Variants in EHHADH observed in about 807,000 individuals in gnomAD.
EHHADH encodes enoyl-CoA hydratase and 3-hydroxyacyl CoA dehydrogenase.
EHHADH carries 48 observed loss-of-function variants against 64.4 expected under a neutral mutation model. The ratio of observed to expected loss-of-function variants is 0.75; its 90% CI spans 0.59 to 0.95. EHHADH has a LOEUF of 0.95. EHHADH is among the 40% of genes least tolerant of loss of function. EHHADH has a pLI of 0.00. For missense variants in EHHADH, 854 were observed against 876.6 expected, an observed-to-expected ratio of 0.97 and a Z score of 0.33; for synonymous variants, 308 against 326.7, an observed-to-expected ratio of 0.94 and a Z score of 0.62.
chr3:185,248,165 T>TATA, intron 2 of EHHADH: 2 of 433,564 alleles, frequency 4.6e-6, no homozygotes, highest in Non-Finnish European at 8.2e-6. Flanking sequence ...TCAGCAGGTG[T>TATA]ATAACAGCCA....
chr3:185,231,836 T>C (rs937416354), intron 3 of EHHADH, among the ~76,000 whole-genome samples: 1 of 152,222 alleles, frequency 6.6e-6, no homozygotes, highest in African/African-American at 2.4e-5. Flanking sequence ...AGGTTTCTTT[T>C]TGGGGTGATA....
intron 6 of EHHADH, among the ~76,000 whole-genome samples, chr3:185,195,025 C>T (rs1397327275): frequency 7.9e-5 from 12 of 151,896 alleles, no homozygotes; most frequent in Non-Finnish European, 1.8e-4. Flanking sequence ...ACTGGATATC[C>T]ACATGCAAAA....
chr3:185,214,986 C>A (rs1047839192), intron 5 of EHHADH, among the ~76,000 whole-genome samples: 2 of 152,212 alleles, frequency 1.3e-5, no homozygotes, highest in East Asian at 1.9e-4. Flanking sequence ...AAGTGATTGT[C>A]CAGCTGCCTT....
chr3:185,251,943 G>C (rs577334831), intron 1 of EHHADH, among the ~76,000 whole-genome samples: 25 of 152,084 alleles, frequency 1.6e-4, no homozygotes, highest in Non-Finnish European at 3.2e-4. Flanking sequence ...CTGACTAATA[G>C]GAATAACTAA....
chr3:185,222,549 T>G (rs1181652620), intron 4 of EHHADH, among the ~76,000 whole-genome samples: 1 of 152,176 alleles, frequency 6.6e-6, no homozygotes, highest in Non-Finnish European at 1.5e-5. Flanking sequence ...TGTTTTATAT[T>G]TTTGCAAATT....
intron 2 of EHHADH, among the ~76,000 whole-genome samples, chr3:185,239,483 G>A (rs932321475): frequency 5.3e-5 from 8 of 152,092 alleles, no homozygotes; most frequent in African/African-American, 1.9e-4. Context: ...AGTACCCCTT[G>A]TAGAGATCTT....
chr3:185,211,233 C>A (rs1205699302), intron 5 of EHHADH, among the ~76,000 whole-genome samples: 1 of 152,164 alleles, frequency 6.6e-6, no homozygotes, highest in East Asian at 1.9e-4. Context: ...AGTACCTATA[C>A]AATAAGAGAG....
chr3:185,243,465 T>C (rs1719510851), intron 2 of EHHADH, among the ~76,000 whole-genome samples: 1 of 152,206 alleles, frequency 6.6e-6, no homozygotes, highest in Non-Finnish European at 1.5e-5. Flanking sequence ...TTATTTCTTT[T>C]CTTCTGCTAG....
At chr3:185,198,850 CA>C (rs201321307) in intron 6 of EHHADH, among the ~76,000 whole-genome samples, 37 of 133,240 alleles carry the variant, frequency 2.8e-4, no homozygotes, top group East Asian at 4.3e-4. Flanking sequence ...ACCCTGTCTT[CA>C]AAAAAAAAAA....
chr3:185,249,703 T>A (rs1719694626), intron 1 of EHHADH, among the ~76,000 whole-genome samples: 1 of 152,218 alleles, frequency 6.6e-6, no homozygotes, highest in African/African-American at 2.4e-5. Flanking sequence ...GGAACTGTGA[T>A]CAATTAAGCC....
chr3:185,252,180 T>A lies in EHHADH; in HGVS notation c.74+1769A>T, dbSNP rs546444829. Among the ~76,000 whole-genome samples the A allele has an allele frequency of 2.0e-3, 304 of 152,220 alleles. 2 individuals carry two copies. The Middle Eastern group carries it at 0.024, about 12-fold the overall frequency. On this transcript the variant is annotated intron_variant, in intron 1 of 6. Transcript: ENST00000231887. ...ACTTTGGGAGGCCGAGGCAGGTGGATCACGAGGTCAGGAGATTGAGACCAT... is the reference window on the plus strand; with the variant it reads ...ACTTTGGGAGGCCGAGGCAGGTGGAACACGAGGTCAGGAGATTGAGACCAT...
chr3:185,224,514 A>G (rs1022815179), intron 4 of EHHADH, among the ~76,000 whole-genome samples: 1 of 151,594 alleles, frequency 6.6e-6, no homozygotes, highest in African/African-American at 2.4e-5. Flanking sequence ...AAAAAAAAAA[A>G]AAAAAAAAAA....
chr3:185,195,632 T>C (rs370693665), intron 6 of EHHADH, among the ~76,000 whole-genome samples: 5 of 152,138 alleles, frequency 3.3e-5, no homozygotes, highest in African/African-American at 1.2e-4. Context: ...TGCAACAACA[T>C]AGATGCAGCT....
chr3:185,251,669 G>C (rs1238598323), intron 1 of EHHADH, among the ~76,000 whole-genome samples: 1 of 151,688 alleles, frequency 6.6e-6, no homozygotes, highest in Non-Finnish European at 1.5e-5. Context: ...CTCTCAATCA[G>C]CTAGGAGGAG....
At chr3:185,202,624 C>T (rs921414218) in intron 6 of EHHADH, among the ~76,000 whole-genome samples, 10 of 152,254 alleles carry the variant, frequency 6.6e-5, no homozygotes, top group Middle Eastern at 3.4e-3. Context: ...CCTTGACCTC[C>T]GCCTCCTGTC....
At chr3:185,222,716 T>C (rs886476409) in intron 4 of EHHADH, among the ~76,000 whole-genome samples, 1 of 152,140 alleles carries the variant, frequency 6.6e-6, no homozygotes, top group Non-Finnish European at 1.5e-5. Context: ...ATTACGAAAA[T>C]AGATCTGATC....
rs1213318583 is a variant in EHHADH, at chr3:185,250,277, T to C, written c.75-1760A>G. On this transcript the variant is annotated intron_variant, in intron 1 of 6. Transcript: ENST00000231887. ...ATGAGGAAGTCATCTGCAGAAGAGA[T>C]AGCTAAAACCAAGACTGAATGAGTC... is the stretch of plus-strand genomic sequence containing the variant. Among the ~76,000 whole-genome samples the C allele has an allele frequency of 2.0e-5, 3 of 152,198 alleles. No homozygotes were observed. The East Asian group carries it at 5.8e-4, about 29-fold the overall frequency.
chr3:185,217,500 C>T (rs368521066), intron 5 of EHHADH, among the ~76,000 whole-genome samples: 24 of 146,054 alleles, frequency 1.6e-4, no homozygotes, highest in African/African-American at 4.3e-4. Context: ...GAGCCAAGAT[C>T]GCGCCACTGC....
Position 185,193,392 on chromosome 3 carries a change from C to T in EHHADH, c.1006G>A (p.Ala336Thr), listed in dbSNP as rs146431168. The change falls in exon 7 of 7, where the codon GCA becomes ACA. Residue 336 changes from alanine to threonine, a missense_variant. By Grantham distance (58) the Ala-to-Thr change is moderately conservative. Transcript: ENST00000231887. Reference protein sequence around the residue: ...VDSDKNQLATANKMITSVLEK... With the variant: ...VDSDKNQLATTNKMITSVLEK... ...AAGACAGAGGTTATCATCTTGTTTGCAGTTGCTAGCTGGTTTTTGTCCGAG... is the reference window on the plus strand; with the variant it reads ...AAGACAGAGGTTATCATCTTGTTTGTAGTTGCTAGCTGGTTTTTGTCCGAG... 1,527 of 1,614,070 alleles carry T rather than the reference C, an allele frequency of 9.5e-4. 2 individuals carry two copies. The highest frequency in any genetic ancestry group is 1.2e-3 in the Non-Finnish European group (1,431 of 1,180,040).
Sources: gnomAD v4.1 joint callset for allele counts (sites outside exome capture counted in the v4.1 genomes callset) on GRCh38, gnomAD v4.1.1 for gene constraint, MANE v1.5 for transcripts, NCBI Gene and HGNC (gene_info 2026-07-23, HGNC 2026-07-21) for gene names.